The following AIFM2 variants were observed in gnomAD, a reference collection of about 807,000 sequenced individuals.
AIFM2 encodes the protein AIF family member 2, ferroptosis suppressor.
AIFM2 carries 38 observed loss-of-function variants against 35.7 expected under a neutral mutation model. That is an observed-to-expected ratio of 1.06 (90% confidence interval 0.82 to 1.39). The LOEUF is 1.39. Ranked by LOEUF, AIFM2 falls within the 40% of genes most tolerant of loss-of-function variation. The pLI is 0.00. For missense variants in AIFM2, 476 were observed against 491.2 expected (o/e 0.97, Z 0.29); for synonymous variants, 185 against 203.5 (o/e 0.91, Z 0.77).
intron 1 of AIFM2, among the ~76,000 whole-genome samples, chr10:70,128,147 C>T (rs2072588719): frequency 6.6e-6 from 1 of 152,228 alleles, no homozygotes; most frequent in Non-Finnish European, 1.5e-5. Flanking sequence ...TTTCCAGCCA[C>T]ACACCCTGTA....
intron 5 of AIFM2, among the ~76,000 whole-genome samples, chr10:70,120,183 G>C (rs1589848246): frequency 1.3e-5 from 2 of 152,354 alleles, no homozygotes; most frequent in Admixed American, 1.3e-4. Context: ...ACAAAGGCCT[G>C]AATTCTGAAG....
chr10:70,126,769 C>T (rs1327265463), intron 1 of AIFM2, among the ~76,000 whole-genome samples: 1 of 152,170 alleles, frequency 6.6e-6, no homozygotes. Context: ...TGGGGGCGGA[C>T]AGTAGAGCGG....
At position 70,114,284 on chromosome 10, in the gene AIFM2, C is replaced by T; in HGVS notation, c.1016G>A (p.Gly339Asp). The T allele has an allele frequency of 6.2e-7, 1 of 1,613,942 alleles. No individual in the cohort carries two copies. The highest frequency in any genetic ancestry group is 8.5e-7 in the Non-Finnish European group (1 of 1,180,012). ...LLSMGRNDGV[G>D]QISGFYVGRL... ...GCCCACATAGAAGCCACTGATTTGG[C>T]CCACACCGTCATTTCTCCCCATGGA... The change falls in exon 9 of 9, where the codon GGC becomes GAC. Residue 339 changes from glycine (G) to aspartate (D), a missense_variant. Gly to Asp is a moderately conservative substitution (Grantham distance 94, BLOSUM62 -1). Coordinates refer to ENST00000307864, the MANE Select transcript of AIFM2 (RefSeq NM_032797.6).
chr10:70,122,727 TA>T (rs2136660664), intron 3 of AIFM2, among the ~76,000 whole-genome samples: 1 of 152,352 alleles, frequency 6.6e-6, no homozygotes, highest in East Asian at 1.9e-4. Flanking sequence ...GGCTCTGGGC[TA>T]AAATTGCATG....
chr10:70,116,470 G>C, intron 7 of AIFM2, 152 bp downstream of exon 7: 1 of 1,073,230 alleles, frequency 9.3e-7, no homozygotes, highest in Non-Finnish European at 1.4e-6. Context: ...GCTCAGCAAG[G>C]GTGGACCCTC....
chr10:70,119,290 A>C (rs780268213), intron 5 of AIFM2, among the ~76,000 whole-genome samples: 4 of 152,314 alleles, frequency 2.6e-5, no homozygotes, highest in Non-Finnish European at 5.9e-5. Context: ...CTAGCAAATT[A>C]TTTAACCCAA....
rs149390100 is a variant in AIFM2, at chr10:70,115,643, G to A, written c.770-523C>T. 3.8e-3 allele frequency among the ~76,000 whole-genome samples: 573 copies of A among 152,282 alleles called. 5 individuals are homozygous for A. Among genetic ancestry groups the A allele is most frequent in the East Asian group, 0.024 (124 of 5,186 alleles). On this transcript the variant is annotated intron_variant, in intron 7 of 8. Transcript: ENST00000307864. ...TAGCCGGGCTTAGTGGCATACAGCC[G>A]TAATCCCAGCTATTCGGGAGGCTGA...
chr10:70,119,684 T>C (rs2072476632), intron 5 of AIFM2, among the ~76,000 whole-genome samples: 1 of 152,250 alleles, frequency 6.6e-6, no homozygotes, highest in South Asian at 2.1e-4. Flanking sequence ...AGTTATCCTC[T>C]ATTGATTTTT....
In AIFM2 at chr10:70,113,948, CA is replaced by C. The variant is rs2072404090; in HGVS notation, c.*229del. 1.8e-6 allele frequency: 1 copy of C among 542,574 alleles called. No individual in the cohort carries two copies. The highest frequency in any genetic ancestry group is 1.9e-5 in the African/African-American group (1 of 52,258). 33.6% of individuals were successfully genotyped at this position (542,574 alleles called of 1,614,324 possible). Reference sequence around the variant, plus strand: ...CACACATGAGCCGCTCACCCAGTACCACAGCAAGCACACCTTCCAAACCCAG... The same window carrying C: ...CACACATGAGCCGCTCACCCAGTACCCAGCAAGCACACCTTCCAAACCCAG... On this transcript the variant is annotated 3_prime_UTR_variant, in exon 9 of 9. Coordinates refer to ENST00000307864, the MANE Select transcript of AIFM2 (RefSeq NM_032797.6).
At chr10:70,129,010 T>C (rs1017775067) in intron 1 of AIFM2, among the ~76,000 whole-genome samples, 3 of 152,134 alleles carry the variant, frequency 2.0e-5, no homozygotes, top group African/African-American at 4.8e-5. Flanking sequence ...GCAATATTTA[T>C]TTATTTATTT....
At chr10:70,123,315 A>G in intron 3 of AIFM2, 90 bp downstream of exon 3, 1 of 1,153,618 alleles carries the variant, frequency 8.7e-7, no homozygotes, top group African/African-American at 1.5e-5. Context: ...CACCGCCCCC[A>G]GCCTAGCTCT....
rs1414297847 is a variant in AIFM2, at chr10:70,131,955, ACT to A, written c.-14+777_-14+778del. Among the ~76,000 whole-genome samples, 4 of 151,222 alleles carry A rather than the reference ACT, an allele frequency of 2.6e-5. No individual in the cohort carries two copies. The highest frequency in any genetic ancestry group is 9.7e-5 in the African/African-American group (4 of 41,054). ...CAAGTCCCATCCCAAACTATATCTG[ACT>A]CTCTGCCCTATGCCTGTCCTCCTAC... On this transcript the variant is annotated intron_variant, in intron 1 of 8. Coordinates refer to ENST00000307864, the MANE Select transcript of AIFM2 (RefSeq NM_032797.6). The surrounding 1 kb of genome is among the most constrained non-coding windows in gnomAD (Gnocchi z 4.1).
chr10:70,124,282 C>T (rs2072542663), intron 1 of AIFM2, among the ~76,000 whole-genome samples, 185 bp from the exon 2 acceptor site: 2 of 152,140 alleles, frequency 1.3e-5, no homozygotes, highest in Admixed American at 1.3e-4. Context: ...ATCCCACTTC[C>T]AGCCCATTCC....
At chr10:70,126,905 G>A (rs556639937) in intron 1 of AIFM2, among the ~76,000 whole-genome samples, 6 of 126,510 alleles carry the variant, frequency 4.7e-5, no homozygotes, top group Non-Finnish European at 9.9e-5. Flanking sequence ...CCCTCGTAGA[G>A]ATTAGGACCC....
intron 7 of AIFM2, 146 bp downstream of exon 7, chr10:70,116,476 C>A: frequency 9.0e-7 from 1 of 1,112,136 alleles, no homozygotes; most frequent in Non-Finnish European, 1.3e-6. Flanking sequence ...CAAGGGTGGA[C>A]CCTCACTGAA....
At chr10:70,123,004 G>A (rs1164704170) in intron 3 of AIFM2, among the ~76,000 whole-genome samples, 1 of 152,086 alleles carries the variant, frequency 6.6e-6, no homozygotes, top group African/African-American at 2.4e-5. Flanking sequence ...AGGGCTTGGG[G>A]CTCACAGACA....
intron 5 of AIFM2, among the ~76,000 whole-genome samples, chr10:70,119,394 CG>C (rs1564552066): frequency 6.6e-6 from 1 of 152,074 alleles, no homozygotes; most frequent in African/African-American, 2.4e-5. Context: ...TGTTTGAAGT[CG>C]GGGCAGGATC....
intron 7 of AIFM2, among the ~76,000 whole-genome samples, chr10:70,116,199 C>G (rs1183613902): frequency 7.9e-5 from 12 of 152,182 alleles, no homozygotes; most frequent in Admixed American, 7.9e-4. Context: ...GCCATGTTAC[C>G]AACCCCACTC....
At chr10:70,118,273 C>T (rs1156326904) in intron 5 of AIFM2, 1 of 194,860 alleles carries the variant, frequency 5.1e-6, no homozygotes, top group African/African-American at 2.4e-5. Context: ...GTCAATCAGA[C>T]TGATGTCAAC....
Sources: allele counts gnomAD v4.1 joint callset (sites outside exome capture counted in the v4.1 genomes callset), GRCh38; gene constraint gnomAD v4.1.1; non-coding constraint Gnocchi (gnomAD v3.1); transcripts MANE v1.5; gene names NCBI Gene and HGNC (gene_info 2026-07-23, HGNC 2026-07-21).